GRIA4: variants seen among roughly 807,000 people sequenced by gnomAD.
The protein encoded by GRIA4 is glutamate receptor 4.
A neutral mutation model predicts 104.0 loss-of-function variants in GRIA4; 34 were observed. The ratio of observed to expected loss-of-function variants is 0.33; its 90% CI spans 0.25 to 0.44. GRIA4 has a LOEUF of 0.44. Among genes scored for constraint, GRIA4 ranks in the 20% least tolerant of loss-of-function variants. The pLI is 1.00. For missense variants in GRIA4, 750 were observed against 1,096.5 expected (o/e 0.68, Z 4.46); for synonymous variants, 386 against 381.9 (o/e 1.01, Z -0.13).
At chr11:105,908,993 C>T (rs1256727159) in intron 9 of GRIA4, among the ~76,000 whole-genome samples, 5 of 152,046 alleles carry the variant, frequency 3.3e-5, no homozygotes, top group African/African-American at 7.2e-5. Context: ...CAAATATATA[C>T]TTGTTTTAAA....
At chr11:105,746,354 G>A (rs1441458726) in intron 3 of GRIA4, among the ~76,000 whole-genome samples, 2 of 151,210 alleles carry the variant, frequency 1.3e-5, no homozygotes, top group Non-Finnish European at 2.9e-5. Context: ...TCATGCTATT[G>A]TTAGAGATAG....
intron 4 of GRIA4, among the ~76,000 whole-genome samples, chr11:105,811,193 G>A (rs890083290): frequency 1.3e-5 from 2 of 152,090 alleles, no homozygotes; most frequent in African/African-American, 2.4e-5. Flanking sequence ...GAGGGCTGCA[G>A]GGAACACAGC....
At chr11:105,849,383 A>G (rs1241436296) in intron 4 of GRIA4, among the ~76,000 whole-genome samples, 5 of 152,214 alleles carry the variant, frequency 3.3e-5, no homozygotes, top group African/African-American at 1.2e-4. Flanking sequence ...CTGGATGGAC[A>G]GTATCCAGCT....
chr11:105,971,013 T>C (rs2136283197), intron 14 of GRIA4, among the ~76,000 whole-genome samples: 1 of 152,140 alleles, frequency 6.6e-6, no homozygotes, highest in Admixed American at 6.5e-5. Flanking sequence ...ACAAATAGAG[T>C]CTCTAATAAA....
intron 7 of GRIA4, among the ~76,000 whole-genome samples, chr11:105,898,818 T>C (rs1437785081): frequency 6.6e-6 from 1 of 151,780 alleles, no homozygotes; most frequent in Non-Finnish European, 1.5e-5. Context: ...ATGTAAAATA[T>C]ACAAGCTTCT....
intron 4 of GRIA4, among the ~76,000 whole-genome samples, chr11:105,815,008 T>C (rs1943321482): frequency 6.6e-6 from 1 of 152,140 alleles, no homozygotes; most frequent in African/African-American, 2.4e-5. Context: ...ATCCATGGAC[T>C]TATCTGCCAC....
intron 5 of GRIA4, among the ~76,000 whole-genome samples, chr11:105,864,727 G>A (rs1308153092): frequency 6.6e-6 from 1 of 152,052 alleles, no homozygotes; most frequent in African/African-American, 2.4e-5. Context: ...AAAATTAGCC[G>A]GGTGTGGTGG....
At chr11:105,773,872 C>CA (rs555750319) in intron 4 of GRIA4, among the ~76,000 whole-genome samples, 1,363 of 104,746 alleles carry the variant, frequency 0.013, 16 homozygotes, top group East Asian at 0.08. Context: ...TCAAAGAGGG[C>CA]AAAAAAAAAA....
chr11:105,932,272 G>C (rs1015318783), intron 13 of GRIA4, among the ~76,000 whole-genome samples: 4 of 151,994 alleles, frequency 2.6e-5, no homozygotes, highest in African/African-American at 7.2e-5. Context: ...CTTAGTAGCT[G>C]GGACTACAGG....
At chr11:105,835,560 G>T (rs1944146457) in intron 4 of GRIA4, among the ~76,000 whole-genome samples, 1 of 151,918 alleles carries the variant, frequency 6.6e-6, no homozygotes, top group East Asian at 1.9e-4. Flanking sequence ...GTGTGTGTGT[G>T]TTTTCTTTCT....
intron 5 of GRIA4, among the ~76,000 whole-genome samples, chr11:105,883,481 G>A (rs926957937): frequency 9.1e-5 from 13 of 143,218 alleles, no homozygotes; most frequent in African/African-American, 3.4e-4. Context: ...CTGTGTCCAA[G>A]TGTTCTCATT....
chr11:105,929,796 C>A (rs1947821694), intron 13 of GRIA4, among the ~76,000 whole-genome samples: 1 of 152,026 alleles, frequency 6.6e-6, no homozygotes, highest in African/African-American at 2.4e-5. Context: ...TACACAGTTT[C>A]TATTAGAAGC....
intron 3 of GRIA4, among the ~76,000 whole-genome samples, chr11:105,749,946 GC>G (rs750804411): frequency 7.2e-5 from 11 of 151,954 alleles, no homozygotes; most frequent in Non-Finnish European, 1.6e-4. Context: ...CGTTTATTTT[GC>G]CATTTTATGA....
rs77915281 is a variant in GRIA4, at chr11:105,654,852, G to T, written c.247+42418G>T. Among the ~76,000 whole-genome samples the T allele has an allele frequency of 3.9e-3, 594 of 152,108 alleles. 6 individuals are homozygous for T. Among genetic ancestry groups the T allele is most frequent in the African/African-American group, 0.013 (538 of 41,514 alleles). ...AATACAACTTCAGATGAGTGAAGTT[G>T]GTCTTCATGTTTTGTCCTCACAAAC... is the stretch of plus-strand genomic sequence containing the variant. On this transcript the variant is annotated intron_variant, in intron 3 of 16. Transcript: ENST00000282499.
Position 105,980,773 on chromosome 11 carries a change from A to G in GRIA4, c.*1034A>G, listed in dbSNP as rs1366185106. 2 of 152,662 alleles carry G rather than the reference A, an allele frequency of 1.3e-5. No individual in the cohort carries two copies. Among genetic ancestry groups the G allele is most frequent in the African/African-American group, 4.8e-5 (2 of 41,458 alleles). 9.5% of individuals were successfully genotyped at this position (152,662 alleles called of 1,614,324 possible). A position where few individuals can be genotyped will look rare whatever the true frequency, so the allele number is the denominator to read the frequency against. ...AAGTTATTTGAGAAATTATAAGACT[A>G]TAAGAGAGATTGTATTAGTGGTGGG... On this transcript the variant is annotated 3_prime_UTR_variant, in exon 17 of 17. Transcript: ENST00000282499.
chr11:105,654,501 T>A (rs895312935), intron 3 of GRIA4, among the ~76,000 whole-genome samples: 8 of 152,172 alleles, frequency 5.3e-5, no homozygotes, highest in African/African-American at 1.9e-4. Context: ...ATTAATATAC[T>A]GTTAACATTT....
chr11:105,840,413 A>G (rs970468525), intron 4 of GRIA4, among the ~76,000 whole-genome samples: 3 of 152,226 alleles, frequency 2.0e-5, no homozygotes, highest in African/African-American at 7.2e-5. Flanking sequence ...CATGATTTTC[A>G]TTTAGAATTC....
At chr11:105,686,585 T>C (rs150091007) in intron 3 of GRIA4, among the ~76,000 whole-genome samples, 1,817 of 152,342 alleles carry the variant, frequency 0.012, 25 homozygotes, top group Middle Eastern at 0.027. Flanking sequence ...TTTGGATATA[T>C]ACCCAGCAAT....
At chr11:105,778,185 A>G (rs1191400635) in intron 4 of GRIA4, among the ~76,000 whole-genome samples, 2 of 152,350 alleles carry the variant, frequency 1.3e-5, no homozygotes, top group African/African-American at 4.8e-5. Flanking sequence ...TCCCTGTCCA[A>G]ACAACTGAAG....
Sources: allele counts gnomAD v4.1 joint callset (sites outside exome capture counted in the v4.1 genomes callset), GRCh38; gene constraint gnomAD v4.1.1; transcripts MANE v1.5; gene names NCBI Gene and HGNC (gene_info 2026-07-23, HGNC 2026-07-21).